The following PDE3A variants were observed in gnomAD, a reference collection of about 807,000 sequenced individuals.
PDE3A encodes the protein phosphodiesterase 3A.
Under a neutral mutation model 98.3 loss-of-function variants are expected in PDE3A, and 43 were observed. The ratio of observed to expected loss-of-function variants is 0.44; its 90% CI spans 0.34 to 0.56. The LOEUF (loss-of-function observed/expected upper bound fraction) is 0.56. PDE3A is among the 20% of genes least tolerant of loss of function. The pLI is 0.01. For missense variants in PDE3A, 1,427 were observed against 1,440.7 expected (o/e 0.99, Z 0.15); for synonymous variants, 663 against 567.9 (o/e 1.17, Z -2.38).
intron 1 of PDE3A, among the ~76,000 whole-genome samples, chr12:20,482,532 T>C (rs1315443274): frequency 6.6e-6 from 1 of 152,214 alleles, no homozygotes; most frequent in Middle Eastern, 3.2e-3. Flanking sequence ...CTATACATAA[T>C]CAAGCTGGCT....
rs192177965 is a variant in PDE3A, at chr12:20,484,751, G to A, written c.961-71909G>A. On this transcript the variant is annotated intron_variant, in intron 1 of 15. Coordinates refer to ENST00000359062, the MANE Select transcript of PDE3A (RefSeq NM_000921.5). ...ATTTGAAAGTATGGCTGTAAAGGGTGAAATCACTGATGTTAAGGGAACATA... is the reference window on the plus strand; with the variant it reads ...ATTTGAAAGTATGGCTGTAAAGGGTAAAATCACTGATGTTAAGGGAACATA... Among the ~76,000 whole-genome samples, 531 of 152,304 alleles carry A rather than the reference G, an allele frequency of 3.5e-3. 5 individuals are homozygous for A. The highest frequency in any genetic ancestry group is 0.012 in the African/African-American group (483 of 41,574).
intron 1 of PDE3A, among the ~76,000 whole-genome samples, 179 bp downstream of exon 1, chr12:20,370,423 GT>G (rs571234280): frequency 1.2e-5 from 1 of 85,954 alleles, no homozygotes; most frequent in African/African-American, 4.2e-5. Context: ...TTTTTTTTTT[GT>G]TTTTTTGCCC....
At chr12:20,391,117 G>A (rs1204716402) in intron 1 of PDE3A, among the ~76,000 whole-genome samples, 1 of 151,802 alleles carries the variant, frequency 6.6e-6, no homozygotes, top group Non-Finnish European at 1.5e-5. Flanking sequence ...GAGCAGATGA[G>A]TGCTTTTCAT....
At chr12:20,603,437 A>G (rs544963463) in intron 2 of PDE3A, among the ~76,000 whole-genome samples, 5 of 152,368 alleles carry the variant, frequency 3.3e-5, no homozygotes, top group Non-Finnish European at 7.3e-5. Flanking sequence ...CTTTTTAAGA[A>G]CTTAAAATTA....
intron 1 of PDE3A, among the ~76,000 whole-genome samples, chr12:20,527,935 A>AT (rs1946555414): frequency 6.6e-6 from 1 of 151,530 alleles, no homozygotes; most frequent in Admixed American, 6.6e-5. Context: ...AAAAAAAAAA[A>AT]GCAAAACTCA....
chr12:20,648,333 C>T (rs1350900829), intron 12 of PDE3A, among the ~76,000 whole-genome samples: 3 of 149,260 alleles, frequency 2.0e-5, no homozygotes, highest in African/African-American at 4.9e-5. Context: ...TTTTTTCTTT[C>T]TCCCTCCTCT....
At chr12:20,618,775 A>C (rs1305733510) in intron 4 of PDE3A, among the ~76,000 whole-genome samples, 1 of 152,106 alleles carries the variant, frequency 6.6e-6, no homozygotes, top group Non-Finnish European at 1.5e-5. Flanking sequence ...TCAGACCCTA[A>C]ATGATTCCAA....
chr12:20,421,869 A>G (rs558468321), intron 1 of PDE3A, among the ~76,000 whole-genome samples: 1 of 152,208 alleles, frequency 6.6e-6, no homozygotes, highest in Non-Finnish European at 1.5e-5. Flanking sequence ...GGAAAATTCA[A>G]GCTCTGAGAA....
At chr12:20,468,806 C>A (rs1945387537) in intron 1 of PDE3A, among the ~76,000 whole-genome samples, 1 of 152,192 alleles carries the variant, frequency 6.6e-6, no homozygotes, top group Non-Finnish European at 1.5e-5. Flanking sequence ...GACTTCTCTA[C>A]ACAAAGGGTG....
At chr12:20,452,160 A>G (rs375077273) in intron 1 of PDE3A, among the ~76,000 whole-genome samples, 4 of 152,330 alleles carry the variant, frequency 2.6e-5, no homozygotes, top group African/African-American at 9.6e-5. Context: ...ATTCCTCTGC[A>G]TGCATCAGAC....
intron 1 of PDE3A, among the ~76,000 whole-genome samples, chr12:20,477,450 A>G (rs1196769944): frequency 6.6e-6 from 1 of 152,186 alleles, no homozygotes; most frequent in Non-Finnish European, 1.5e-5. Context: ...GATCGGCAAT[A>G]ATGAACCCCT....
In PDE3A at chr12:20,552,758, C is replaced by A; in HGVS notation, c.961-3902C>A. 2 of 1,614,040 alleles carry A rather than the reference C, an allele frequency of 1.2e-6. No individual in the cohort carries two copies. The highest frequency in any genetic ancestry group is 2.2e-5 in the East Asian group (1 of 44,876). On this transcript the variant is annotated intron_variant, in intron 1 of 15. Transcript: ENST00000359062. The surrounding 1 kb of genome is among the most constrained non-coding windows in gnomAD (Gnocchi z 5.1). ...AAGGACCGGCCGGCGAGCGGCAGCC[C>A]GTTCCAGTTGTTCCTGAGTAAAGTG...
At chr12:20,413,671 G>T (rs1026669100) in intron 1 of PDE3A, among the ~76,000 whole-genome samples, 1 of 152,168 alleles carries the variant, frequency 6.6e-6, no homozygotes, top group African/African-American at 2.4e-5. Flanking sequence ...GCAGGGCCTA[G>T]CTCTACTTGT....
intron 1 of PDE3A, among the ~76,000 whole-genome samples, chr12:20,457,454 AAC>A (rs1041174358): frequency 3.9e-5 from 6 of 152,006 alleles, no homozygotes; most frequent in Non-Finnish European, 7.4e-5. Flanking sequence ...ACATGCATGT[AAC>A]ACATAAAAAT....
chr12:20,410,714 T>C (rs1226896247), intron 1 of PDE3A, among the ~76,000 whole-genome samples: 1 of 152,198 alleles, frequency 6.6e-6, no homozygotes, highest in East Asian at 1.9e-4. Context: ...AAAGACGCTG[T>C]TCATTATAAG....
rs760239617 is a variant in PDE3A, at chr12:20,412,550, ACAG to A, written c.960+42307_960+42309del. 3.4e-3 allele frequency among the ~76,000 whole-genome samples: 511 copies of A among 152,228 alleles called. 1 individual carries two copies. Among genetic ancestry groups the A allele is most frequent in the Non-Finnish European group, 6.3e-3 (428 of 68,016 alleles). Reference sequence around the variant, plus strand: ...ACATATGTAAGAAAGTGAAAAACCGACAGACAGACAAAACCCACCTAAGTCAAT... The same window carrying A: ...ACATATGTAAGAAAGTGAAAAACCGAACAGACAAAACCCACCTAAGTCAAT... On this transcript the variant is annotated intron_variant, in intron 1 of 15. Coordinates refer to ENST00000359062, the MANE Select transcript of PDE3A (RefSeq NM_000921.5).
chr12:20,649,002 T>G, intron 13 of PDE3A, 111 bp downstream of exon 13: 1 of 657,406 alleles, frequency 1.5e-6, no homozygotes. Flanking sequence ...CTTGGCTCAC[T>G]GCAGCCTCTG....
At chr12:20,586,587 G>A (rs190186762) in intron 2 of PDE3A, among the ~76,000 whole-genome samples, 7 of 152,282 alleles carry the variant, frequency 4.6e-5, no homozygotes, top group East Asian at 1.9e-4. Context: ...AGATGGCTCC[G>A]ATCTACTAAA....
intron 1 of PDE3A, among the ~76,000 whole-genome samples, chr12:20,411,476 A>G (rs1382372879): frequency 6.6e-6 from 1 of 151,872 alleles, no homozygotes. Flanking sequence ...CATGTGTCAG[A>G]GTTTTGACAT....
Sources: allele counts gnomAD v4.1 joint callset (sites outside exome capture counted in the v4.1 genomes callset), GRCh38; gene constraint gnomAD v4.1.1; non-coding constraint Gnocchi (gnomAD v3.1); transcripts MANE v1.5; gene names NCBI Gene and HGNC (gene_info 2026-07-23, HGNC 2026-07-21).